SYCE1L: variants seen among roughly 807,000 people sequenced by gnomAD.
SYCE1L encodes the protein synaptonemal complex central element protein 1 like, also known as synaptonemal complex central element protein 1-like.
SYCE1L carries 51 observed loss-of-function variants against 39.6 expected under a neutral mutation model. That is an observed-to-expected ratio of 1.29 (90% CI 1.03 to 1.63). SYCE1L has a LOEUF of 1.63. Ranked by LOEUF, SYCE1L falls within the 40% of genes most tolerant of loss-of-function variation. The probability of loss-of-function intolerance (pLI) is 0.00; values close to 1 mark genes in which losing one functional copy is unlikely to be tolerated. For missense variants in SYCE1L, 426 were observed against 304.9 expected (o/e 1.40, Z -2.96); for synonymous variants, 147 against 122.4 (o/e 1.20, Z -1.33).
intron 4 of SYCE1L, 33 bp from the exon 5 acceptor site, chr16:77,209,064 C>A: frequency 6.4e-7 from 1 of 1,551,214 alleles, no homozygotes; most frequent in Non-Finnish European, 8.7e-7. Flanking sequence ...CAATGGGGTG[C>A]CTGGAGGCAG....
intron 2 of SYCE1L, among the ~76,000 whole-genome samples, chr16:77,207,846 TG>T (rs752617469): frequency 3.9e-5 from 6 of 152,176 alleles, no homozygotes; most frequent in Non-Finnish European, 5.9e-5. Context: ...CTGCCTGGAA[TG>T]GGTCCCCCCT....
chr16:77,211,828 A>G (rs1259778409), intron 7 of SYCE1L, among the ~76,000 whole-genome samples: 1 of 152,150 alleles, frequency 6.6e-6, no homozygotes, highest in African/African-American at 2.4e-5. Context: ...GTATCGGTGC[A>G]GAAGGAAGGC....
At chr16:77,205,867 G>A (rs1376701013) in intron 1 of SYCE1L, among the ~76,000 whole-genome samples, 1 of 152,054 alleles carries the variant, frequency 6.6e-6, no homozygotes, top group Non-Finnish European at 1.5e-5. Flanking sequence ...ATCCTGAGCT[G>A]CAGTCCTCAA....
At chr16:77,209,602 A>G (rs967372487) in intron 6 of SYCE1L, 131 bp downstream of exon 6, 2 of 951,062 alleles carry the variant, frequency 2.1e-6, no homozygotes, top group Non-Finnish European at 3.1e-6. Context: ...CAGCCTGACA[A>G]AAGATTTCCT....
rs879552045 is a variant in SYCE1L at position 77,209,316 on chromosome 16, C to T, written c.305-101C>T. On this transcript the variant is annotated intron_variant, in intron 5 of 10. Transcript: ENST00000378644. ...CTTGGAGTAAACACCCAAGTCCTCA[C>T]AGTGCCCTCCAATGCCTGACATGAT... 7.2e-6 allele frequency: 10 copies of T among 1,395,914 alleles called. No individual in the cohort carries two copies. In the Admixed American group the frequency reaches 1.6e-4, roughly 22 times the overall value. 86.5% of individuals were successfully genotyped at this position (1,395,914 alleles called of 1,614,324 possible). A position where few individuals can be genotyped will look rare whatever the true frequency, so the allele number is the denominator to read the frequency against.
At chr16:77,207,834 C>T (rs757273817) in intron 2 of SYCE1L, among the ~76,000 whole-genome samples, 1 of 152,172 alleles carries the variant, frequency 6.6e-6, no homozygotes, top group Non-Finnish European at 1.5e-5. Flanking sequence ...CCTTGTTGCA[C>T]TCTGCCTGGA....
At chr16:77,208,970 G>T in intron 4 of SYCE1L, 127 bp from the exon 5 acceptor site, 1 of 981,972 alleles carries the variant, frequency 1.0e-6, no homozygotes, top group South Asian at 1.5e-5. Context: ...TTGCAAGGGT[G>T]GCAAGAAGAT....
intron 2 of SYCE1L, among the ~76,000 whole-genome samples, chr16:77,207,598 G>A (rs1038131636): frequency 6.6e-6 from 1 of 152,192 alleles, no homozygotes. Flanking sequence ...GGGCGGGGCA[G>A]ATGGGACGTC....
Position 77,204,107 on chromosome 16 carries a change from C to T in SYCE1L, c.62-2334C>T, listed in dbSNP as rs1201095453. ...AGAAAAAGATTAAAAACATACTTGC[C>T]TGGTAAGAGTATGATTTTGGGGCCT... On this transcript the variant is annotated intron_variant, in intron 1 of 10. Transcript: ENST00000378644. Among the ~76,000 whole-genome samples, 11 of 152,206 alleles carry T rather than the reference C, an allele frequency of 7.2e-5. No homozygotes were observed. The East Asian group carries it at 1.7e-3, about 24-fold the overall frequency.
At position 77,212,331 on chromosome 16, in the gene SYCE1L, G is replaced by C. The variant is rs755069714; in HGVS notation, c.543G>C (p.Ser181=). 2 of 1,522,642 alleles carry C rather than the reference G, an allele frequency of 1.3e-6. No homozygotes were observed. The highest frequency in any genetic ancestry group is 2.8e-5 in the African/African-American group (2 of 71,384). The allele number at this position is 1,522,642 out of a possible 1,614,324, so 94.3% of individuals were successfully genotyped here. ...GGGAGGTGGAGCGGCGGCTGCACTC[G>C]CCGCCTGAGGTCGAGGGCGCCATGG... ...KLREVERRLH[S]PPEVEGAMAV... Residue 181 remains serine (S), a synonymous_variant, in exon 9 of 11, where the codon TCG becomes TCC. Coordinates refer to ENST00000378644, the MANE Select transcript of SYCE1L (RefSeq NM_001129979.3).
chr16:77,199,551 C>G, intron 1 of SYCE1L, 39 bp downstream of exon 1: 1 of 1,460,550 alleles, frequency 6.8e-7, no homozygotes, highest in Non-Finnish European at 9.4e-7. Flanking sequence ...TTCTCTCCAA[C>G]CAGGGCAGAA....
chr16:77,200,282 A>ATATATATATATGTG (rs2054722750), intron 1 of SYCE1L: 1 of 114,204 alleles, frequency 8.8e-6, no homozygotes, highest in African/African-American at 3.0e-5. Flanking sequence ...GTGTATATAT[A>ATATATATATATGTG]TATATATATA....
chr16:77,205,371 T>C (rs1207015434), intron 1 of SYCE1L, among the ~76,000 whole-genome samples: 1 of 150,392 alleles, frequency 6.6e-6, no homozygotes, highest in African/African-American at 2.4e-5. Context: ...TATTTTCCTG[T>C]GGTTTTTCTT....
chr16:77,211,134 G>C, intron 6 of SYCE1L, 79 bp from the exon 7 acceptor site: 4 of 1,470,062 alleles, frequency 2.7e-6, no homozygotes, highest in Non-Finnish European at 3.7e-6. Context: ...GGCAGGATCT[G>C]AAGGCCTGTG....
At chr16:77,199,574 T>G in intron 1 of SYCE1L, 62 bp downstream of exon 1, 1 of 1,242,716 alleles carries the variant, frequency 8.0e-7, no homozygotes, top group East Asian at 2.5e-5. Flanking sequence ...GAGGGAGGAT[T>G]CGTCCCATTA....
At chr16:77,205,767 G>A (rs1214805285) in intron 1 of SYCE1L, among the ~76,000 whole-genome samples, 6 of 152,010 alleles carry the variant, frequency 3.9e-5, no homozygotes, top group Non-Finnish European at 8.8e-5. Flanking sequence ...TTTGGTGGGG[G>A]TTTTTGAGGC....
At position 77,212,988 on chromosome 16, in the gene SYCE1L, C is replaced by T; in HGVS notation, c.*57C>T. On this transcript the variant is annotated 3_prime_UTR_variant, in exon 11 of 11. Transcript: ENST00000378644. ...CTCGAGACCCGCCAAGAAATAAAGGCGATGATTTCCGACCATGCTCGCGTT... is the reference window on the plus strand; with the variant it reads ...CTCGAGACCCGCCAAGAAATAAAGGTGATGATTTCCGACCATGCTCGCGTT... 1 of 1,418,620 alleles carries T rather than the reference C, an allele frequency of 7.0e-7. No homozygotes were observed. The highest frequency in any genetic ancestry group is 9.3e-7 in the Non-Finnish European group (1 of 1,071,548). The allele number at this position is 1,418,620 out of a possible 1,614,324, so 87.9% of individuals were successfully genotyped here.
intron 1 of SYCE1L, chr16:77,200,198 G>T (rs1251443311): frequency 4.1e-5 from 6 of 147,692 alleles, no homozygotes; most frequent in African/African-American, 1.5e-4. Flanking sequence ...ACATATGTGT[G>T]TATGTGTATT....
At chr16:77,211,344 C>T in intron 7 of SYCE1L, 68 bp downstream of exon 7, 2 of 1,526,778 alleles carry the variant, frequency 1.3e-6, no homozygotes, top group Non-Finnish European at 1.8e-6. Context: ...CTGACTGGCC[C>T]AGAGTCCACC....
Sources: allele counts gnomAD v4.1 joint callset (sites outside exome capture counted in the v4.1 genomes callset), GRCh38; gene constraint gnomAD v4.1.1; transcripts MANE v1.5; gene names NCBI Gene and HGNC (gene_info 2026-07-23, HGNC 2026-07-21).